The following GAL3ST2 variants were observed in gnomAD, a reference collection of about 807,000 sequenced individuals.
GAL3ST2 encodes the protein beta-galactose-3-O-sulfotransferase 2.
GAL3ST2 carries 16 observed loss-of-function variants against 12.9 expected under a neutral mutation model. The ratio of observed to expected loss-of-function variants is 1.24; its 90% CI spans 0.84 to 1.88. The LOEUF (loss-of-function observed/expected upper bound fraction) is 1.88. GAL3ST2 is among the 40% of genes most tolerant of loss of function. The pLI is 0.00. For synonymous variants in GAL3ST2, 302 were observed against 273.9 expected (o/e 1.10, Z -1.01); for missense variants, 639 against 571.8 (o/e 1.12, Z -1.20).
rs912086017 is a variant in GAL3ST2 at position 241,800,955 on chromosome 2, A to T, written c.120-826A>T. 1 of 152,044 alleles carries T rather than the reference A, an allele frequency of 6.6e-6. No homozygotes were observed. The highest frequency in any genetic ancestry group is 1.5e-5 in the Non-Finnish European group (1 of 68,008). The allele number at this position is 152,044 out of a possible 1,614,324, so 9.4% of individuals were successfully genotyped here. On this transcript the variant is annotated intron_variant, in intron 2 of 3. Coordinates refer to ENST00000192314, the MANE Select transcript of GAL3ST2 (RefSeq NM_022134.3). This position sits in a 1 kb window ranked among gnomAD's most constrained non-coding sequence, Gnocchi z 5.2. ...GGTCTCCTTTTATTTTTTAATTTTT[A>T]AAAAATTTACTTTAAGTTCTGGGAC...
At chr2:241,785,321 G>A (rs1699615207) in intron 1 of GAL3ST2, among the ~76,000 whole-genome samples, 1 of 152,204 alleles carries the variant, frequency 6.6e-6, no homozygotes. Flanking sequence ...GGAGGCCGAG[G>A]TGGGTGGATC....
At chr2:241,788,806 G>T (rs889807004) in intron 1 of GAL3ST2, among the ~76,000 whole-genome samples, 2 of 152,176 alleles carry the variant, frequency 1.3e-5, no homozygotes, top group African/African-American at 4.8e-5. Context: ...TCTGGAGAGA[G>T]AAACTGAGAC....
chr2:241,799,222 G>A, intron 2 of GAL3ST2, 68 bp downstream of exon 2: 1 of 1,382,106 alleles, frequency 7.2e-7, no homozygotes, highest in East Asian at 2.3e-5. Flanking sequence ...CAGAGCCTGG[G>A]ACCCCAGCAT....
chr2:241,787,410 C>T (rs76476441), intron 1 of GAL3ST2, among the ~76,000 whole-genome samples: 2,901 of 152,304 alleles, frequency 0.019, 69 homozygotes, highest in Middle Eastern at 0.092. Context: ...TTGGTATTGG[C>T]ATGAGCTAAC....
intron 1 of GAL3ST2, among the ~76,000 whole-genome samples, chr2:241,786,434 G>A (rs1436136984): frequency 6.6e-6 from 1 of 152,104 alleles, no homozygotes; most frequent in Admixed American, 6.5e-5. Context: ...CCCCAATTCG[G>A]CTACTTAACC....
At chr2:241,782,371 T>C (rs1277312708) in intron 1 of GAL3ST2, among the ~76,000 whole-genome samples, 1 of 152,068 alleles carries the variant, frequency 6.6e-6, no homozygotes, top group African/African-American at 2.4e-5. Context: ...TGTTGCCCAG[T>C]CTGGAGTGCA....
At chr2:241,784,150 C>T (rs1461535884) in intron 1 of GAL3ST2, among the ~76,000 whole-genome samples, 3 of 151,864 alleles carry the variant, frequency 2.0e-5, no homozygotes, top group Admixed American at 1.3e-4. Flanking sequence ...TCTCCAGCCT[C>T]AGCCTCCCGA....
In GAL3ST2 at chr2:241,802,416, C is replaced by T. The variant is rs1028916783; in HGVS notation, c.375+380C>T. ...GTCTCAGCATAGAGCCGGCTTCCCC[C>T]CAGGGCTTCCCTGACCTTCCTTACA... On this transcript the variant is annotated intron_variant, in intron 3 of 3. Transcript: ENST00000192314. The surrounding 1 kb of genome is among the most constrained non-coding windows in gnomAD (Gnocchi z 4.8). 1.3e-5 allele frequency among the ~76,000 whole-genome samples: 2 copies of T among 152,188 alleles called. No individual in the cohort carries two copies. Among genetic ancestry groups the T allele is most frequent in the Non-Finnish European group, 2.9e-5 (2 of 68,018 alleles).
chr2:241,791,173 A>T (rs62193070), intron 1 of GAL3ST2, among the ~76,000 whole-genome samples: 1 of 151,840 alleles, frequency 6.6e-6, no homozygotes, highest in Non-Finnish European at 1.5e-5. Flanking sequence ...GGCCATGGTC[A>T]CTCATTTTGG....
Position 241,801,350 on chromosome 2 carries a change from C to CGGA in GAL3ST2, c.120-429_120-428insAGG. The CGGA allele has an allele frequency of 5.3e-6, 1 of 188,658 alleles. No homozygotes were observed. Among genetic ancestry groups the CGGA allele is most frequent in the South Asian group, 1.4e-4 (1 of 7,194 alleles). 11.7% of individuals were successfully genotyped at this position (188,658 alleles called of 1,614,324 possible). On this transcript the variant is annotated intron_variant, in intron 2 of 3. Coordinates refer to ENST00000192314, the MANE Select transcript of GAL3ST2 (RefSeq NM_022134.3). The surrounding 1 kb of genome is among the most constrained non-coding windows in gnomAD (Gnocchi z 4.4). The stretch of plus-strand genomic sequence containing the variant: ...GTGTAGATGTGCCACATTTTCTTTA[C>CGGA]GGTCTCTATGTAACATTCACACCCG...
At chr2:241,796,801 T>C (rs1238098503) in intron 1 of GAL3ST2, among the ~76,000 whole-genome samples, 3 of 152,050 alleles carry the variant, frequency 2.0e-5, no homozygotes, top group Non-Finnish European at 2.9e-5. Flanking sequence ...GGCTGGGCTG[T>C]TGGCAGCCCT....
In GAL3ST2 at chr2:241,803,781, G is replaced by A. The variant is rs1212790145; in HGVS notation, c.812G>A (p.Arg271His). The A allele has an allele frequency of 1.5e-5, 23 of 1,505,268 alleles. No homozygotes were observed. Among genetic ancestry groups the A allele is most frequent in the Admixed American group, 2.3e-5 (1 of 44,182 alleles). 93.2% of individuals were successfully genotyped at this position (1,505,268 alleles called of 1,614,324 possible). A position where few individuals can be genotyped will look rare whatever the true frequency, so the allele number is the denominator to read the frequency against. ...CGCCTGTCGCCCGAGACCCGGGAGC[G>A]CGCGCGGAGCTGGTGCGCGCTGGAC... ...VARLSPETRE[R>H]ARSWCALDWR... Residue 271 changes from arginine (R) to histidine (H), a missense_variant, in exon 4 of 4, where the codon CGC becomes CAC. Coordinates refer to ENST00000192314, the MANE Select transcript of GAL3ST2 (RefSeq NM_022134.3).
intron 1 of GAL3ST2, among the ~76,000 whole-genome samples, chr2:241,787,013 AT>A (rs1699634785): frequency 6.6e-6 from 1 of 152,208 alleles, no homozygotes; most frequent in Admixed American, 6.5e-5. Flanking sequence ...GAAGAGGCTC[AT>A]CAGAAACTCA....
At chr2:241,788,978 C>G (rs949825368) in intron 1 of GAL3ST2, among the ~76,000 whole-genome samples, 3 of 152,140 alleles carry the variant, frequency 2.0e-5, no homozygotes, top group African/African-American at 7.2e-5. Context: ...GGAGAAAACA[C>G]AGAGAATGAT....
intron 1 of GAL3ST2, among the ~76,000 whole-genome samples, chr2:241,782,324 A>ATTTTT (rs1699575706): frequency 1.3e-5 from 2 of 151,582 alleles, no homozygotes; most frequent in African/African-American, 4.8e-5. Context: ...ATTTTATTTT[A>ATTTTT]TTTTTATTTA....
Sources: gnomAD v4.1 joint callset for allele counts (sites outside exome capture counted in the v4.1 genomes callset) on GRCh38, gnomAD v4.1.1 for gene constraint, Gnocchi (gnomAD v3.1) non-coding constraint, MANE v1.5 for transcripts, NCBI Gene and HGNC (gene_info 2026-07-23, HGNC 2026-07-21) for gene names.